Variants in PRKCA observed in about 807,000 individuals in gnomAD.
The protein encoded by PRKCA is protein kinase C alpha.
A neutral mutation model predicts 87.0 loss-of-function variants in PRKCA; 27 were observed. The ratio of observed to expected loss-of-function variants is 0.31; its 90% CI spans 0.23 to 0.43. PRKCA has a LOEUF of 0.43. Among genes scored for constraint, PRKCA ranks in the 20% least tolerant of loss-of-function variants. The pLI is 1.00. For synonymous variants in PRKCA, 329 were observed against 311.1 expected (o/e 1.06, Z -0.61); for missense variants, 518 against 852.3 (o/e 0.61, Z 4.88).
In PRKCA at chr17:66,525,816, C is replaced by G. The variant is rs907634640; in HGVS notation, c.288+29533C>G. Among the ~76,000 whole-genome samples the G allele has an allele frequency of 5.3e-5, 8 of 152,180 alleles. No homozygotes were observed. The East Asian group carries it at 9.6e-4, about 18-fold the overall frequency. On this transcript the variant is annotated intron_variant, in intron 3 of 16. Coordinates refer to ENST00000413366, the MANE Select transcript of PRKCA (RefSeq NM_002737.3). ...ATTAAACAGAAACATGTCAGGGCCA[C>G]TCCATACTCTTCTTCCTGTCTTCCA... is the stretch of plus-strand genomic sequence containing the variant.
chr17:66,343,473 T>C (rs1287423484), intron 2 of PRKCA, among the ~76,000 whole-genome samples: 3 of 152,082 alleles, frequency 2.0e-5, no homozygotes, highest in Admixed American at 2.0e-4. Context: ...TGAAGTGGTG[T>C]AAGTGAGTAT....
chr17:66,786,877 A>T lies in PRKCA; in HGVS notation c.1616A>T (p.Asp539Val). 1.2e-6 allele frequency: 2 copies of T among 1,613,692 alleles called. No individual in the cohort carries two copies. The highest frequency in any genetic ancestry group is 1.7e-6 in the Non-Finnish European group (2 of 1,179,686). Residue 539 changes from aspartate to valine, a missense_variant, in exon 15 of 17, where the codon GAT becomes GTT. By Grantham distance (152) the Asp-to-Val change is radical. This residue lies in a region of PRKCA where 159 missense variants were observed against 232.4 expected (regional missense o/e 0.68). Transcript: ENST00000413366. Reference protein sequence around the residue: ...YEMLAGQPPFDGEDEDELFQS... With the variant: ...YEMLAGQPPFVGEDEDELFQS... ...TTTTTTCCGGAACAGCCTCCATTTG[A>T]TGGTGAAGATGAAGACGAGCTATTT... is the stretch of plus-strand genomic sequence containing the variant.
Position 66,783,376 on chromosome 17 carries a change from A to G in PRKCA, c.1606-3491A>G, listed in dbSNP as rs145663748. Reference sequence around the variant, plus strand: ...AGAGGATGCAAACTTGGACCCAGGAAGATGCTGTAGGATTAATGTTCTAAG... The same window carrying G: ...AGAGGATGCAAACTTGGACCCAGGAGGATGCTGTAGGATTAATGTTCTAAG... On this transcript the variant is annotated intron_variant, in intron 14 of 16. Coordinates refer to ENST00000413366, the MANE Select transcript of PRKCA (RefSeq NM_002737.3). Among the ~76,000 whole-genome samples, 398 of 152,314 alleles carry G rather than the reference A, an allele frequency of 2.6e-3. 1 individual carries two copies. The highest frequency in any genetic ancestry group is 9.1e-3 in the African/African-American group (380 of 41,564).
In PRKCA at chr17:66,572,592, T is replaced by C. The variant is rs1969114505; in HGVS notation, c.289-68763T>C. Among the ~76,000 whole-genome samples the C allele has an allele frequency of 2.0e-5, 3 of 152,206 alleles. No individual in the cohort carries two copies. In the South Asian group the frequency reaches 6.2e-4, roughly 31 times the overall value. On this transcript the variant is annotated intron_variant, in intron 3 of 16. Coordinates refer to ENST00000413366, the MANE Select transcript of PRKCA (RefSeq NM_002737.3). ...ACAGCTCACTGCAGCCTTAATCTCC[T>C]GGGCTCAAAAGATCCTCCCACCTCA... is the stretch of plus-strand genomic sequence containing the variant.
chr17:66,764,768 T>C (rs1598926441), intron 13 of PRKCA, among the ~76,000 whole-genome samples: 1 of 152,244 alleles, frequency 6.6e-6, no homozygotes, highest in Non-Finnish European at 1.5e-5. Flanking sequence ...GGAAACCAGA[T>C]TGGCGTCACA....
rs556642005 is a variant in PRKCA at position 66,539,510 on chromosome 17, T to G, written c.288+43227T>G. 4.6e-5 allele frequency among the ~76,000 whole-genome samples: 7 copies of G among 152,100 alleles called. No homozygotes were observed. The South Asian group carries it at 1.5e-3, about 32-fold the overall frequency. On this transcript the variant is annotated intron_variant, in intron 3 of 16. Coordinates refer to ENST00000413366, the MANE Select transcript of PRKCA (RefSeq NM_002737.3). ...GCTCCGCCTCTCAGGTTCACGCCAT[T>G]CTCCTGCCTCAGCCTCCTGAGTAGC...
intron 9 of PRKCA, among the ~76,000 whole-genome samples, chr17:66,735,026 A>G (rs1395018284): frequency 6.6e-6 from 1 of 152,214 alleles, no homozygotes; most frequent in East Asian, 1.9e-4. Flanking sequence ...AGATACTGAC[A>G]TGGGGTCTTC....
chr17:66,618,217 C>A (rs376645377), intron 3 of PRKCA, among the ~76,000 whole-genome samples: 83 of 151,796 alleles, frequency 5.5e-4, no homozygotes, highest in Non-Finnish European at 1.0e-3. Context: ...TAGCTGGGTA[C>A]GGTGGTGGGC....
intron 2 of PRKCA, among the ~76,000 whole-genome samples, chr17:66,413,802 T>G (rs964185095): frequency 2.0e-5 from 3 of 151,970 alleles, no homozygotes; most frequent in African/African-American, 7.3e-5. Context: ...TCACTAGAGG[T>G]CAGGAGTTCG....
intron 3 of PRKCA, among the ~76,000 whole-genome samples, chr17:66,506,749 G>T (rs942676897): frequency 1.3e-5 from 2 of 152,174 alleles, no homozygotes; most frequent in Non-Finnish European, 1.5e-5. Context: ...TCACTATTTG[G>T]AATTTAGTTT....
intron 3 of PRKCA, among the ~76,000 whole-genome samples, chr17:66,580,347 G>A (rs924621307): frequency 1.3e-5 from 2 of 152,212 alleles, no homozygotes; most frequent in South Asian, 2.1e-4. Flanking sequence ...TGGTGCTGCA[G>A]CATTCCTTAC....
intron 2 of PRKCA, among the ~76,000 whole-genome samples, chr17:66,307,091 T>A (rs1190758383): frequency 6.6e-6 from 1 of 152,204 alleles, no homozygotes; most frequent in Non-Finnish European, 1.5e-5. Flanking sequence ...TTTTAAAAAC[T>A]AGTTCAAATT....
intron 2 of PRKCA, chr17:66,339,898 A>G (rs1005658199): frequency 1.3e-5 from 2 of 152,242 alleles, no homozygotes; most frequent in East Asian, 1.9e-4. Flanking sequence ...ACCTACCTTG[A>G]AATCTGCCAA....
intron 5 of PRKCA, among the ~76,000 whole-genome samples, chr17:66,653,791 T>TAAAAAAAA (rs550316151): frequency 2.9e-5 from 3 of 102,498 alleles, no homozygotes; most frequent in Admixed American, 1.1e-4. Flanking sequence ...TTCCAGCTCT[T>TAAAAAAAA]AAAAAAAAAA....
chr17:66,777,109 G>A (rs961507826), intron 14 of PRKCA: 2 of 508,508 alleles, frequency 3.9e-6, no homozygotes. Context: ...TACAGAGAGA[G>A]AGTTAACCAC....
chr17:66,397,165 C>T (rs1910737756), intron 2 of PRKCA, among the ~76,000 whole-genome samples: 1 of 151,018 alleles, frequency 6.6e-6, no homozygotes, highest in African/African-American at 2.4e-5. Flanking sequence ...AGGGTTTCTC[C>T]ATGTTGCCAG....
At chr17:66,442,680 A>C (rs1913835338) in intron 2 of PRKCA, among the ~76,000 whole-genome samples, 1 of 152,106 alleles carries the variant, frequency 6.6e-6, no homozygotes, top group Non-Finnish European at 1.5e-5. Context: ...TATTTAATTC[A>C]TGTTCACCTC....
chr17:66,695,546 A>C (rs1972896436), intron 8 of PRKCA, among the ~76,000 whole-genome samples: 1 of 152,196 alleles, frequency 6.6e-6, no homozygotes, highest in Admixed American at 6.5e-5. Flanking sequence ...AATTTTGCTC[A>C]ATTGTCCAGG....
At chr17:66,591,130 ATTGTTGTTGTTGTTTACAACTTT>A (rs1567919471) in intron 3 of PRKCA, among the ~76,000 whole-genome samples, 1 of 151,948 alleles carries the variant, frequency 6.6e-6, no homozygotes, top group Admixed American at 6.6e-5. Flanking sequence ...AGCTTTTATT[ATTGTTGTTGTTGTTTACAACTTT>A]TTGTTGTTGT....
Sources: allele counts gnomAD v4.1 joint callset (sites outside exome capture counted in the v4.1 genomes callset), GRCh38; gene constraint gnomAD v4.1.1; regional missense constraint gnomAD v4.1.1; transcripts MANE v1.5; gene names NCBI Gene and HGNC (gene_info 2026-07-23, HGNC 2026-07-21).